The following TIAM2 variants were observed in gnomAD, a reference collection of about 807,000 sequenced individuals.
TIAM2 encodes rho guanine nucleotide exchange factor TIAM2.
Under a neutral mutation model 152.9 loss-of-function variants are expected in TIAM2, and 80 were observed. The ratio of observed to expected loss-of-function variants is 0.52; its 90% CI spans 0.44 to 0.63. The LOEUF is 0.63. TIAM2 is among the 30% of genes least tolerant of loss of function. TIAM2 has a pLI of 0.00. For missense variants in TIAM2, 1,965 were observed against 2,120.1 expected, an observed-to-expected ratio of 0.93 and a Z score of 1.44; for synonymous variants, 804 against 838.0, an observed-to-expected ratio of 0.96 and a Z score of 0.70.
At chr6:155,223,894 T>C (rs1184962474) in intron 15 of TIAM2, among the ~76,000 whole-genome samples, 4 of 152,196 alleles carry the variant, frequency 2.6e-5, no homozygotes, top group African/African-American at 9.7e-5. Flanking sequence ...TCGTTCGCCC[T>C]TTTTCTTTTA....
intron 15 of TIAM2, 44 bp downstream of exon 15, chr6:155,211,351 A>C (rs1781713108): frequency 2.6e-6 from 4 of 1,553,394 alleles, no homozygotes; most frequent in Non-Finnish European, 3.5e-6. Context: ...CAGGCAGGCG[A>C]GTGTTAGTTC....
In TIAM2 at chr6:155,179,146, A is replaced by C. The variant is rs770407854; in HGVS notation, c.2628+3A>C. The stretch of plus-strand genomic sequence containing the variant: ...CATATGAATATATGCAACAACAGGT[A>C]AGTGTGCACTAGCTTTAGGAAGGGA... On this transcript the variant is annotated splice_donor_region_variant and intron_variant, in intron 11 of 26. Transcript: ENST00000682666. 6.8e-6 allele frequency: 11 copies of C among 1,608,264 alleles called. No homozygotes were observed. The South Asian group carries it at 1.2e-4, about 18-fold the overall frequency.
chr6:155,250,953 C>G lies in TIAM2; in HGVS notation c.3992C>G (p.Thr1331Arg). 1 of 1,614,202 alleles carries G rather than the reference C, an allele frequency of 6.2e-7. No individual in the cohort carries two copies. The highest frequency in any genetic ancestry group is 8.5e-7 in the Non-Finnish European group (1 of 1,180,036). ...LSMGELLMHSTVSWLNPFLSL... is the reference protein window; with the variant it reads ...LSMGELLMHSRVSWLNPFLSL... ...ATGGGAGAGCTTCTGATGCACTCTACGGTTTCCTGGTTGAATCCATTTCTG... is the reference window on the plus strand; with the variant it reads ...ATGGGAGAGCTTCTGATGCACTCTAGGGTTTCCTGGTTGAATCCATTTCTG... Residue 1331 changes from threonine (T) to arginine (R), a missense_variant, in exon 22 of 27, where the codon ACG (threonine) becomes AGG (arginine). Transcript: ENST00000682666.
At chr6:155,073,931 G>A (rs1489557247) in intron 1 of TIAM2, among the ~76,000 whole-genome samples, 1 of 152,146 alleles carries the variant, frequency 6.6e-6, no homozygotes, top group Non-Finnish European at 1.5e-5. Context: ...CTTTGAGGCT[G>A]GTAGGTGGAA....
intron 15 of TIAM2, among the ~76,000 whole-genome samples, chr6:155,240,211 G>A (rs1185682318): frequency 6.6e-6 from 1 of 152,260 alleles, no homozygotes; most frequent in Non-Finnish European, 1.5e-5. Context: ...TGATTTCAGA[G>A]CTACCTCACC....
At chr6:155,011,044 CAA>C (rs200880796) in intron 1 of TIAM2, among the ~76,000 whole-genome samples, 2 of 140,710 alleles carry the variant, frequency 1.4e-5, no homozygotes, top group Admixed American at 7.0e-5. Context: ...AACTCTGTCT[CAA>C]AAAAAAAAAA....
intron 1 of TIAM2, among the ~76,000 whole-genome samples, chr6:155,033,986 G>C (rs1776872579): frequency 6.6e-6 from 1 of 151,618 alleles, no homozygotes; most frequent in Non-Finnish European, 1.5e-5. Flanking sequence ...CAAAGTGTTG[G>C]GATTACAGGC....
intron 6 of TIAM2, among the ~76,000 whole-genome samples, chr6:155,146,427 C>A (rs917127462): frequency 6.6e-6 from 1 of 152,040 alleles, no homozygotes; most frequent in Non-Finnish European, 1.5e-5. Flanking sequence ...TTTTGTGATC[C>A]CAGAGGCCAC....
chr6:155,009,824 C>G (rs1221775660), intron 1 of TIAM2, among the ~76,000 whole-genome samples: 3 of 152,074 alleles, frequency 2.0e-5, no homozygotes, highest in Non-Finnish European at 4.4e-5. Context: ...TCCCTCGCAC[C>G]CATAGCTTTC....
At chr6:155,079,043 G>A (rs1233679648) in intron 1 of TIAM2, among the ~76,000 whole-genome samples, 2 of 151,158 alleles carry the variant, frequency 1.3e-5, no homozygotes, top group Admixed American at 1.3e-4. Flanking sequence ...CATTCTGGAT[G>A]ACCAGTTTAT....
chr6:155,206,319 C>T (rs1481385531), intron 14 of TIAM2, among the ~76,000 whole-genome samples: 2 of 152,322 alleles, frequency 1.3e-5, no homozygotes, highest in African/African-American at 2.4e-5. Flanking sequence ...GTGATCTCAG[C>T]TCACTGCAAC....
At chr6:155,243,648 A>T (rs1783163557) in intron 16 of TIAM2, among the ~76,000 whole-genome samples, 1 of 152,024 alleles carries the variant, frequency 6.6e-6, no homozygotes, top group African/African-American at 2.4e-5. Flanking sequence ...GGAGTTCGAG[A>T]CCAGCCTGAC....
At chr6:155,198,666 CAAAAA>C (rs10626644) in intron 14 of TIAM2, among the ~76,000 whole-genome samples, 4 of 70,360 alleles carry the variant, frequency 5.7e-5, no homozygotes, top group Admixed American at 1.8e-4. Flanking sequence ...GAGCAAATCT[CAAAAA>C]AAAAAAAAAA....
intron 2 of TIAM2, among the ~76,000 whole-genome samples, chr6:155,124,594 G>A (rs1171288269): frequency 6.6e-6 from 1 of 152,122 alleles, no homozygotes; most frequent in Non-Finnish European, 1.5e-5. Flanking sequence ...GCCTCCCAAA[G>A]TGCTGGGATT....
At chr6:155,217,431 T>C (rs1049732416) in intron 15 of TIAM2, among the ~76,000 whole-genome samples, 20 of 152,272 alleles carry the variant, frequency 1.3e-4, no homozygotes, top group African/African-American at 4.3e-4. Flanking sequence ...ATATTTACTC[T>C]ACAAAATATG....
At chr6:155,172,642 ATATATATATATATATATAT>A (rs1388641586) in intron 9 of TIAM2, among the ~76,000 whole-genome samples, 3 of 16,390 alleles carry the variant, frequency 1.8e-4, no homozygotes, top group Admixed American at 8.2e-4. Flanking sequence ...CTAGTTGGAA[ATATATATATATATATATAT>A]ATATATATAT....
At chr6:155,076,371 C>A (rs1271147667) in intron 1 of TIAM2, among the ~76,000 whole-genome samples, 1 of 152,116 alleles carries the variant, frequency 6.6e-6, no homozygotes, top group African/African-American at 2.4e-5. Flanking sequence ...AGTTATTCAT[C>A]CTTACGAAAT....
Position 155,244,696 on chromosome 6 carries a change from G to A in TIAM2, c.3456G>A (p.Glu1152=). Residue 1152 remains glutamate (E), a synonymous_variant, in exon 18 of 27, where the codon GAG becomes GAA. Transcript: ENST00000682666. ...SLFGSLPEML[E]FQKVFLETLE... ...TTGGAAGTTTGCCAGAGATGCTTGA[G>A]TTTCAGAAGGTGTTTCTGGAGACCC... The A allele has an allele frequency of 1.2e-6, 2 of 1,614,074 alleles. No homozygotes were observed. The highest frequency in any genetic ancestry group is 1.7e-6 in the Non-Finnish European group (2 of 1,179,984).
intron 15 of TIAM2, chr6:155,216,810 C>T (rs529419233): frequency 1.3e-4 from 111 of 826,976 alleles, no homozygotes; most frequent in Non-Finnish European, 1.5e-4. Flanking sequence ...TGTGGTAACC[C>T]GGTGCCTTTC....
Sources: allele counts gnomAD v4.1 joint callset (sites outside exome capture counted in the v4.1 genomes callset), GRCh38; gene constraint gnomAD v4.1.1; transcripts MANE v1.5; gene names NCBI Gene and HGNC (gene_info 2026-07-23, HGNC 2026-07-21).